The following RANBP17 variants were observed in gnomAD, a reference collection of about 807,000 sequenced individuals.
RANBP17 encodes ran-binding protein 17.
A neutral mutation model predicts 141.2 loss-of-function variants in RANBP17; 158 were observed. The observed-to-expected ratio is 1.12, with a 90% CI of 0.98 to 1.28. RANBP17 has a LOEUF of 1.28. RANBP17 is among the 50% of genes most tolerant of loss of function. The pLI is 0.00. For synonymous variants in RANBP17, 430 were observed against 450.0 expected (o/e 0.96, Z 0.56); for missense variants, 1,438 against 1,290.7 (o/e 1.11, Z -1.75).
At chr5:171,159,805 C>T (rs901730055) in intron 14 of RANBP17, among the ~76,000 whole-genome samples, 1 of 151,384 alleles carries the variant, frequency 6.6e-6, no homozygotes, top group African/African-American at 2.4e-5. Flanking sequence ...CGCCTGTGGT[C>T]CCAGCTACTC....
chr5:171,057,950 CA>C (rs1367561903), intron 14 of RANBP17, among the ~76,000 whole-genome samples: 2 of 152,014 alleles, frequency 1.3e-5, no homozygotes, highest in Non-Finnish European at 2.9e-5. Context: ...GGTGGGGACA[CA>C]GAGCCAAACC....
intron 14 of RANBP17, among the ~76,000 whole-genome samples, chr5:171,124,752 C>CA (rs753634518): frequency 2.7e-3 from 411 of 150,666 alleles, no homozygotes; most frequent in Non-Finnish European, 4.3e-3. Flanking sequence ...ATCATCACAA[C>CA]AAAAAAAAAC....
chr5:170,907,832 T>G (rs1157939821), intron 5 of RANBP17, among the ~76,000 whole-genome samples: 1 of 151,870 alleles, frequency 6.6e-6, no homozygotes, highest in East Asian at 1.9e-4. Context: ...GAGATTTGAT[T>G]TAAATTAATC....
At chr5:171,122,676 G>C (rs1384746032) in intron 14 of RANBP17, among the ~76,000 whole-genome samples, 2 of 152,204 alleles carry the variant, frequency 1.3e-5, no homozygotes, top group South Asian at 4.1e-4. Context: ...CCATTGGAGT[G>C]CCCCTTGGCC....
At chr5:170,919,854 A>G (rs1772285509) in intron 11 of RANBP17, among the ~76,000 whole-genome samples, 1 of 151,250 alleles carries the variant, frequency 6.6e-6, no homozygotes, top group South Asian at 2.1e-4. Flanking sequence ...GCAGTTACTG[A>G]TCTGTTTTGT....
chr5:171,090,588 A>G (rs576160817), intron 14 of RANBP17, among the ~76,000 whole-genome samples: 1 of 152,300 alleles, frequency 6.6e-6, no homozygotes, highest in South Asian at 2.1e-4. Flanking sequence ...CAATGGGGAA[A>G]ATGTCTCCAG....
At chr5:171,221,427 G>T (rs939959962) in intron 21 of RANBP17, among the ~76,000 whole-genome samples, 3 of 152,162 alleles carry the variant, frequency 2.0e-5, no homozygotes, top group African/African-American at 7.2e-5. Flanking sequence ...TAGACACCTG[G>T]GGTGTTTTAT....
chr5:171,017,601 G>T (rs1207280004), intron 14 of RANBP17, among the ~76,000 whole-genome samples: 2 of 152,002 alleles, frequency 1.3e-5, no homozygotes, highest in Non-Finnish European at 1.5e-5. Context: ...TGATGGGGTT[G>T]TATGTTGTTT....
chr5:170,862,345 C>T (rs1050544605), intron 1 of RANBP17, among the ~76,000 whole-genome samples: 1 of 152,228 alleles, frequency 6.6e-6, no homozygotes, highest in Middle Eastern at 3.4e-3. Flanking sequence ...GTGCGGACGC[C>T]GGCAGCACGC....
chr5:170,918,428 A>ACACACACACACACAC (rs1554134261), intron 9 of RANBP17: 3 of 229,076 alleles, frequency 1.3e-5, no homozygotes, highest in Admixed American at 5.7e-5. Flanking sequence ...ACACACACAC[A>ACACACACACACACAC]ACTTTTGTGT....
chr5:171,114,666 A>G (rs1755486275), intron 14 of RANBP17, among the ~76,000 whole-genome samples: 1 of 149,412 alleles, frequency 6.7e-6, no homozygotes, highest in Non-Finnish European at 1.5e-5. Context: ...TGAATAATAT[A>G]TTTGCCAGCA....
Position 170,962,087 on chromosome 5 carries a change from A to G in RANBP17, c.1575-6155A>G, listed in dbSNP as rs544153735. Among the ~76,000 whole-genome samples, 6 of 152,362 alleles carry G rather than the reference A, an allele frequency of 3.9e-5. No individual in the cohort carries two copies. The South Asian group carries it at 1.2e-3, about 32-fold the overall frequency. ...GAGGCAAGTGTAACAACAAGATGGA[A>G]GGAACCTGAGCCCCTGATACATCTT... On this transcript the variant is annotated intron_variant, in intron 13 of 27. Coordinates refer to ENST00000523189, the MANE Select transcript of RANBP17 (RefSeq NM_022897.5).
At chr5:171,112,590 A>G (rs550830664) in intron 14 of RANBP17, among the ~76,000 whole-genome samples, 1 of 152,116 alleles carries the variant, frequency 6.6e-6, no homozygotes, top group East Asian at 1.9e-4. Context: ...AAAAGGAAAC[A>G]CTGATTGACG....
intron 13 of RANBP17, among the ~76,000 whole-genome samples, chr5:170,959,791 T>C (rs1776002661): frequency 6.6e-6 from 1 of 152,240 alleles, no homozygotes; most frequent in Non-Finnish European, 1.5e-5. Flanking sequence ...AATTTTCTGT[T>C]CATTAAGTGG....
intron 12 of RANBP17, among the ~76,000 whole-genome samples, chr5:170,935,950 G>A (rs575157557): frequency 3.8e-4 from 58 of 152,270 alleles, no homozygotes; most frequent in Admixed American, 1.7e-3. Context: ...CACCCAGTTC[G>A]AGCTTTCTGG....
At chr5:171,288,727 ATGAGGGCTATT>A (rs756373640) in intron 25 of RANBP17, among the ~76,000 whole-genome samples, 4 of 152,212 alleles carry the variant, frequency 2.6e-5, no homozygotes, top group Non-Finnish European at 5.9e-5. Flanking sequence ...TGCTCCATAA[ATGAGGGCTATT>A]ATTGTTGTTG....
At chr5:170,948,192 G>GT (rs1423467520) in intron 12 of RANBP17, among the ~76,000 whole-genome samples, 3 of 152,156 alleles carry the variant, frequency 2.0e-5, no homozygotes, top group African/African-American at 7.2e-5. Flanking sequence ...AACAGTCATG[G>GT]TTTTGTAAGA....
chr5:170,892,382 T>C lies in RANBP17; in HGVS notation c.257-5T>C. 1 of 1,605,010 alleles carries C rather than the reference T, an allele frequency of 6.2e-7. No homozygotes were observed. The highest frequency in any genetic ancestry group is 8.5e-7 in the Non-Finnish European group (1 of 1,176,114). On this transcript the variant is annotated splice_region_variant and splice_polypyrimidine_tract_variant and intron_variant, in intron 3 of 27. Coordinates refer to ENST00000523189, the MANE Select transcript of RANBP17 (RefSeq NM_022897.5). ...CAGATGACCCATGGAGTGTTTTCTTTGTAGGAAACTACATTCTGAATTACG... is the reference window on the plus strand; with the variant it reads ...CAGATGACCCATGGAGTGTTTTCTTCGTAGGAAACTACATTCTGAATTACG...
At chr5:170,941,160 A>T (rs1774296924) in intron 12 of RANBP17, among the ~76,000 whole-genome samples, 1 of 152,138 alleles carries the variant, frequency 6.6e-6, no homozygotes, top group Non-Finnish European at 1.5e-5. Flanking sequence ...AAAAGAAAAA[A>T]GGCCAGAATG....
Sources: gnomAD v4.1 joint callset for allele counts (sites outside exome capture counted in the v4.1 genomes callset) on GRCh38, gnomAD v4.1.1 for gene constraint, MANE v1.5 for transcripts, NCBI Gene and HGNC (gene_info 2026-07-23, HGNC 2026-07-21) for gene names.